The following PIP5K1B variants were observed in gnomAD, a reference collection of about 807,000 sequenced individuals.
PIP5K1B encodes the protein phosphatidylinositol-4-phosphate 5-kinase type 1 beta, also known as phosphatidylinositol 4-phosphate 5-kinase type-1 beta.
Under a neutral mutation model 67.0 loss-of-function variants are expected in PIP5K1B, and 42 were observed. That is an observed-to-expected ratio of 0.63 (90% CI 0.49 to 0.81). The LOEUF (loss-of-function observed/expected upper bound fraction) is 0.81. Ranked by LOEUF, PIP5K1B falls within the 30% of genes least tolerant of loss-of-function variation. The pLI is 0.00. For synonymous variants in PIP5K1B, 214 were observed against 231.4 expected (o/e 0.92, Z 0.68); for missense variants, 459 against 646.3 (o/e 0.71, Z 3.14).
intron 4 of PIP5K1B, among the ~76,000 whole-genome samples, chr9:68,856,522 T>G (rs775232882): frequency 1.3e-5 from 2 of 152,214 alleles, no homozygotes; most frequent in Non-Finnish European, 2.9e-5. Context: ...GTCTCCGCCC[T>G]TCTGACCTCA....
chr9:68,800,008 T>C (rs1036062039), intron 2 of PIP5K1B, among the ~76,000 whole-genome samples: 6 of 152,120 alleles, frequency 3.9e-5, no homozygotes, highest in African/African-American at 1.2e-4. Flanking sequence ...ATTCAAAATA[T>C]ATAGGGAACC....
chr9:68,891,616 G>T (rs566126618), intron 7 of PIP5K1B, among the ~76,000 whole-genome samples: 1 of 152,028 alleles, frequency 6.6e-6, no homozygotes, highest in Non-Finnish European at 1.5e-5. Context: ...TGATAAATTT[G>T]CTAGAAATTC....
At chr9:68,715,414 C>G (rs1370738396) in intron 1 of PIP5K1B, among the ~76,000 whole-genome samples, 1 of 152,180 alleles carries the variant, frequency 6.6e-6, no homozygotes, top group Non-Finnish European at 1.5e-5. Flanking sequence ...CTGAGCCACA[C>G]TTGCAACTGC....
At chr9:68,918,095 A>ATT (rs551054460) in intron 9 of PIP5K1B, among the ~76,000 whole-genome samples, 7,323 of 143,112 alleles carry the variant, frequency 0.051, 374 homozygotes, top group East Asian at 0.24. Context: ...TTATTTATTT[A>ATT]TTTTTTTTTT....
intron 4 of PIP5K1B, among the ~76,000 whole-genome samples, chr9:68,853,745 C>T (rs879607886): frequency 2.0e-5 from 3 of 152,110 alleles, no homozygotes; most frequent in Non-Finnish European, 4.4e-5. Context: ...CAGGAAACTA[C>T]CAGGCAGAGG....
intron 8 of PIP5K1B, 102 bp downstream of exon 8, chr9:68,894,740 C>G: frequency 9.1e-7 from 1 of 1,102,252 alleles, no homozygotes. Context: ...TCCAAAGTGG[C>G]AGACATGTGG....
intron 1 of PIP5K1B, among the ~76,000 whole-genome samples, chr9:68,741,867 A>G (rs957731332): frequency 6.6e-6 from 1 of 151,974 alleles, no homozygotes; most frequent in Non-Finnish European, 1.5e-5. Context: ...TACTAATTGG[A>G]AGATTTGGGT....
At chr9:68,851,878 C>T (rs370393431) in intron 4 of PIP5K1B, among the ~76,000 whole-genome samples, 3 of 152,372 alleles carry the variant, frequency 2.0e-5, no homozygotes, top group South Asian at 2.1e-4. Context: ...GCCCTCCTTG[C>T]ATCTGAGCCA....
chr9:68,764,486 AAGTTGCTATATTTGT>A (rs758022690), intron 2 of PIP5K1B, among the ~76,000 whole-genome samples: 22 of 152,066 alleles, frequency 1.4e-4, no homozygotes, highest in Non-Finnish European at 2.5e-4. Flanking sequence ...TTGTCTCATG[AAGTTGCTATATTTGT>A]ATAATAATAA....
chr9:68,861,726 T>A (rs1823084033), intron 4 of PIP5K1B, among the ~76,000 whole-genome samples: 1 of 152,094 alleles, frequency 6.6e-6, no homozygotes, highest in East Asian at 1.9e-4. Context: ...GAGTGACGCA[T>A]GGGAGAAGAG....
At chr9:68,737,509 G>A (rs1828796965) in intron 1 of PIP5K1B, among the ~76,000 whole-genome samples, 1 of 152,140 alleles carries the variant, frequency 6.6e-6, no homozygotes, top group Non-Finnish European at 1.5e-5. Flanking sequence ...AAGGGATTTG[G>A]ATGACAATGA....
intron 1 of PIP5K1B, chr9:68,741,611 G>A (rs1208572416): frequency 1.3e-5 from 2 of 152,258 alleles, no homozygotes; most frequent in Admixed American, 6.5e-5. Flanking sequence ...ATTGTGGAAT[G>A]ACCTCTACAA....
At chr9:68,871,033 C>G (rs1210268213) in intron 5 of PIP5K1B, among the ~76,000 whole-genome samples, 7 of 152,228 alleles carry the variant, frequency 4.6e-5, no homozygotes, top group Admixed American at 4.6e-4. Context: ...CACCACATCT[C>G]TCAGTCCAGT....
Position 68,816,691 on chromosome 9 carries a change from T to G in PIP5K1B, c.-85-1770T>G, listed in dbSNP as rs138167106. Among the ~76,000 whole-genome samples, 276 of 152,324 alleles carry G rather than the reference T, an allele frequency of 1.8e-3. 3 individuals are homozygous for G. Among genetic ancestry groups the G allele is most frequent in the Admixed American group, 0.016 (245 of 15,298 alleles). ...GCTTGTCTTTCTGGTAAGGAAAATA[T>G]CATTAAGTAAATGATTTGGGGGCAA... On this transcript the variant is annotated intron_variant, in intron 2 of 15. Coordinates refer to ENST00000265382, the MANE Select transcript of PIP5K1B (RefSeq NM_003558.4).
intron 2 of PIP5K1B, among the ~76,000 whole-genome samples, chr9:68,774,178 G>A (rs1405943914): frequency 6.6e-6 from 1 of 152,160 alleles, no homozygotes; most frequent in Admixed American, 6.5e-5. Context: ...GGTACTGTGG[G>A]AACAGGGTCA....
intron 1 of PIP5K1B, among the ~76,000 whole-genome samples, chr9:68,738,528 A>G (rs199884771): frequency 6.6e-6 from 1 of 152,228 alleles, no homozygotes; most frequent in African/African-American, 2.4e-5. Flanking sequence ...TTGGGCCAGC[A>G]GTTGGCATCA....
At chr9:68,922,036 C>T (rs7047250) in intron 11 of PIP5K1B, among the ~76,000 whole-genome samples, 1 of 152,052 alleles carries the variant, frequency 6.6e-6, no homozygotes, top group Admixed American at 6.5e-5. Context: ...TTATAGGCAA[C>T]GGCTGAACTT....
intron 1 of PIP5K1B, among the ~76,000 whole-genome samples, chr9:68,710,757 T>C (rs1827350383): frequency 6.6e-6 from 1 of 152,228 alleles, no homozygotes; most frequent in Non-Finnish European, 1.5e-5. Flanking sequence ...ACATGAAGTG[T>C]GTGTTCTTGT....
intron 2 of PIP5K1B, chr9:68,780,410 C>T: frequency 6.2e-7 from 1 of 1,613,960 alleles, no homozygotes; most frequent in East Asian, 2.2e-5. Flanking sequence ...GCATGCACAG[C>T]AGCCGCTTGC....
Sources: gnomAD v4.1 joint callset for allele counts (sites outside exome capture counted in the v4.1 genomes callset) on GRCh38, gnomAD v4.1.1 for gene constraint, MANE v1.5 for transcripts, NCBI Gene and HGNC (gene_info 2026-07-23, HGNC 2026-07-21) for gene names.